Variants in KDM3A observed in about 807,000 individuals in gnomAD.
The protein encoded by KDM3A is lysine demethylase 3A.
In KDM3A, 60 loss-of-function variants were observed where a neutral mutation model predicts 158.0. The observed-to-expected ratio is 0.38, with a 90% CI of 0.31 to 0.47. The LOEUF is 0.47. KDM3A is among the 20% of genes least tolerant of loss of function. KDM3A has a pLI of 0.99. For missense variants in KDM3A, 1,319 were observed against 1,574.3 expected, an observed-to-expected ratio of 0.84 and a Z score of 2.74; for synonymous variants, 608 against 549.3, an observed-to-expected ratio of 1.11 and a Z score of -1.49.
chr2:86,489,643 G>A lies in KDM3A; in HGVS notation c.3557G>A (p.Arg1186Lys), dbSNP rs562428974. ...GCTGCAAAGGACACGGAGAAGATAA[G>A]GGAATTTCTTAAAAAGGTGTGCTGC... ...IYAAKDTEKIREFLKKVSEEQ... is the reference protein window; with the variant it reads ...IYAAKDTEKIKEFLKKVSEEQ... The change falls in exon 23 of 26, where the codon AGG becomes AAG. Residue 1186 changes from arginine (R) to lysine (K), a missense_variant. This residue lies in a region of KDM3A where 186 missense variants were observed against 340.9 expected (regional missense o/e 0.55). Coordinates refer to ENST00000312912, the MANE Select transcript of KDM3A (RefSeq NM_018433.6). The A allele has an allele frequency of 6.2e-7, 1 of 1,610,812 alleles. No individual in the cohort carries two copies. The highest frequency in any genetic ancestry group is 1.3e-5 in the African/African-American group (1 of 74,716).
At chr2:86,474,166 C>A (rs1439527385) in intron 11 of KDM3A, among the ~76,000 whole-genome samples, 1 of 152,192 alleles carries the variant, frequency 6.6e-6, no homozygotes, top group African/African-American at 2.4e-5. Flanking sequence ...GAACAACTAT[C>A]CCTGGAGGCA....
chr2:86,469,324 A>G (rs1673297301), intron 10 of KDM3A, among the ~76,000 whole-genome samples: 1 of 151,962 alleles, frequency 6.6e-6, no homozygotes, highest in African/African-American at 2.4e-5. Flanking sequence ...TTGGTTTTTG[A>G]CTTTCGTTTG....
At chr2:86,439,725 G>A (rs557324913), upstream of KDM3A, among the ~76,000 whole-genome samples, 37 of 152,116 alleles carry the variant, frequency 2.4e-4, no homozygotes, top group South Asian at 1.2e-3. Flanking sequence ...CGTTCATAGC[G>A]TCACCTTAGG....
At chr2:86,439,037 G>C (rs1682544356), upstream of KDM3A, among the ~76,000 whole-genome samples, 1 of 151,904 alleles carries the variant, frequency 6.6e-6, no homozygotes, top group African/African-American at 2.4e-5. Context: ...ATGTGTGTGG[G>C]TGTTTTTCTG....
chr2:86,439,658 G>T (rs1682576812), upstream of KDM3A, among the ~76,000 whole-genome samples: 1 of 151,890 alleles, frequency 6.6e-6, no homozygotes, highest in Non-Finnish European at 1.5e-5. Flanking sequence ...GCATATTTCT[G>T]AGATATTTAT....
intron 11 of KDM3A, among the ~76,000 whole-genome samples, 177 bp from the exon 12 acceptor site, chr2:86,474,599 G>C (rs374836143): frequency 9.0e-4 from 137 of 151,756 alleles, no homozygotes; most frequent in African/African-American, 3.1e-3. Context: ...GGGAGGCAGA[G>C]GTTGCAGTGA....
chr2:86,475,635 G>A (rs1003944448), intron 12 of KDM3A, among the ~76,000 whole-genome samples: 5 of 152,238 alleles, frequency 3.3e-5, no homozygotes, highest in East Asian at 3.9e-4. Context: ...ACGGTGCAGC[G>A]TCTTCCTATC....
In KDM3A at chr2:86,442,200, T is replaced by C. The variant is rs2104614256; in HGVS notation, c.153T>C (p.Val51=). The change falls in exon 2 of 26, where the codon GTT becomes GTC. Residue 51 remains valine (V), a synonymous_variant. Transcript: ENST00000312912. ...WPWLSGTIRA[V]SHTDVTKKDL... Reference sequence around the variant, plus strand: ...GGCTCTCCGGGACCATTCGAGCTGTTTCCCACACCGACGTTACCAAGAAGG... The same window carrying C: ...GGCTCTCCGGGACCATTCGAGCTGTCTCCCACACCGACGTTACCAAGAAGG... 3 of 1,611,978 alleles carry C rather than the reference T, an allele frequency of 1.9e-6. No homozygotes were observed. Among genetic ancestry groups the C allele is most frequent in the Non-Finnish European group, 2.5e-6 (3 of 1,178,860 alleles).
At chr2:86,488,350 C>T (rs1674289279) in intron 21 of KDM3A, 2 of 152,276 alleles carry the variant, frequency 1.3e-5, no homozygotes, top group African/African-American at 4.8e-5. Flanking sequence ...TTGCCATAAT[C>T]GTTTCATTGT....
At chr2:86,444,277 T>C (rs1006709908) in intron 2 of KDM3A, among the ~76,000 whole-genome samples, 3 of 152,222 alleles carry the variant, frequency 2.0e-5, no homozygotes, top group African/African-American at 7.2e-5. Context: ...CACTGCACTT[T>C]GGTGCCTAAC....
chr2:86,457,387 A>C (rs1672750995), intron 8 of KDM3A, among the ~76,000 whole-genome samples: 1 of 152,082 alleles, frequency 6.6e-6, no homozygotes, highest in Admixed American at 6.6e-5. Flanking sequence ...CTCCCGCCTC[A>C]GCTTCCCAAA....
chr2:86,489,173 G>T, intron 21 of KDM3A, 145 bp from the exon 22 acceptor site: 10 of 932,132 alleles, frequency 1.1e-5, no homozygotes, highest in South Asian at 7.2e-5. Flanking sequence ...ATTGGTTAAA[G>T]AATTTTTTTG....
At chr2:86,456,598 C>G (rs768943996) in intron 6 of KDM3A, 32 bp downstream of exon 6, 1 of 1,582,008 alleles carries the variant, frequency 6.3e-7, no homozygotes, top group Admixed American at 1.8e-5. Context: ...TGTAAGATAA[C>G]TCGACAAAGC....
rs72930377 is a variant in KDM3A, at chr2:86,465,022, T to C, written c.1007+806T>C. ...TTCAAAATAGAAACGGAGGGAACATTAGGAAGTTCAGTGATATCCAAGGAA... is the reference window on the plus strand; with the variant it reads ...TTCAAAATAGAAACGGAGGGAACATCAGGAAGTTCAGTGATATCCAAGGAA... On this transcript the variant is annotated intron_variant, in intron 9 of 25. Transcript: ENST00000312912. Among the ~76,000 whole-genome samples, 630 of 152,194 alleles carry C rather than the reference T, an allele frequency of 4.1e-3. 5 individuals are homozygous for C. The highest frequency in any genetic ancestry group is 0.014 in the African/African-American group (600 of 41,520).
chr2:86,455,043 T>C (rs1226933628), intron 4 of KDM3A, 42 bp from the exon 5 acceptor site: 18 of 1,166,400 alleles, frequency 1.5e-5, no homozygotes, highest in Non-Finnish European at 2.1e-5. Context: ...ACTCTTCTTA[T>C]TAACTGTTAC....
In KDM3A at chr2:86,470,341, A is replaced by C; in HGVS notation, c.1657A>C (p.Ser553Arg). Reference protein sequence around the residue: ...LPKCRECRLDSLRKDKEQQKD... With the variant: ...LPKCRECRLDRLRKDKEQQKD... ...TAAATGCCGAGAGTGTCGCTTGGAC[A>C]GTCTCCGCAAGGATAAGGAGCAACA... The change falls in exon 11 of 26, where the codon AGT becomes CGT. Residue 553 changes from serine (S) to arginine (R), a missense_variant. Transcript: ENST00000312912. 1 of 1,614,118 alleles carries C rather than the reference A, an allele frequency of 6.2e-7. No homozygotes were observed. The highest frequency in any genetic ancestry group is 1.1e-5 in the South Asian group (1 of 91,086).
intron 3 of KDM3A, 97 bp from the exon 4 acceptor site, chr2:86,451,006 C>T (rs977836509): frequency 4.3e-6 from 3 of 693,914 alleles, no homozygotes; most frequent in Non-Finnish European, 7.2e-6. Context: ...AAATTAGTGG[C>T]TTTATCACTT....
intron 7 of KDM3A, 42 bp downstream of exon 7, chr2:86,456,919 C>G: frequency 6.4e-7 from 1 of 1,570,004 alleles, no homozygotes; most frequent in Non-Finnish European, 8.8e-7. Context: ...TTCCTCCTTT[C>G]CTCCGTTCTT....
chr2:86,491,394 C>T (rs1198219645), intron 25 of KDM3A, 119 bp downstream of exon 25: 47 of 991,314 alleles, frequency 4.7e-5, no homozygotes, highest in Admixed American at 6.3e-5. Flanking sequence ...CACAGTGAGT[C>T]GAGGAACTTG....
Sources: gnomAD v4.1 joint callset for allele counts (sites outside exome capture counted in the v4.1 genomes callset) on GRCh38, gnomAD v4.1.1 for gene constraint, gnomAD v4.1.1 regional missense constraint, MANE v1.5 for transcripts, NCBI Gene and HGNC (gene_info 2026-07-23, HGNC 2026-07-21) for gene names.